Variants in DLL1 observed in about 807,000 individuals in gnomAD.
DLL1 encodes delta-like protein 1.
A neutral mutation model predicts 75.1 loss-of-function variants in DLL1; 9 were observed. That is an observed-to-expected ratio of 0.12 (90% CI 0.07 to 0.21). DLL1 has a LOEUF of 0.21. Among genes scored for constraint, DLL1 ranks in the 10% least tolerant of loss-of-function variants. DLL1 has a pLI of 1.00. For missense variants in DLL1, 837 were observed against 1,007.6 expected (o/e 0.83, Z 2.29); for synonymous variants, 477 against 418.3 (o/e 1.14, Z -1.71).
Position 170,282,705 on chromosome 6 carries a change from G to T in DLL1, c.*169C>A. On this transcript the variant is annotated 3_prime_UTR_variant, in exon 11 of 11. Transcript: ENST00000366756. ...GCAGGCGGCCGGGCCGCGACAGGCTGTCGGCAGGCGTCGAGGACCTCAGGA... is the reference window on the plus strand; with the variant it reads ...GCAGGCGGCCGGGCCGCGACAGGCTTTCGGCAGGCGTCGAGGACCTCAGGA... 3.5e-6 allele frequency: 4 copies of T among 1,136,022 alleles called. No individual in the cohort carries two copies. The highest frequency in any genetic ancestry group is 5.3e-6 in the Non-Finnish European group (4 of 761,272). The allele number at this position is 1,136,022 out of a possible 1,614,324, so 70.4% of individuals were successfully genotyped here. A position where few individuals can be genotyped will look rare whatever the true frequency, so the allele number is the denominator to read the frequency against.
rs202029364 is a variant in DLL1, at chr6:170,283,526, C to T, written c.1753G>A (p.Gly585Arg). The T allele has an allele frequency of 3.7e-6, 6 of 1,613,604 alleles. No individual in the cohort carries two copies. Among genetic ancestry groups the T allele is most frequent in the African/African-American group, 2.7e-5 (2 of 74,920 alleles). The part of the protein sequence containing the change: ...KHRPPADPCR[G>R]ETETMNNLAN... Reference sequence around the variant, plus strand: ...AGGTTGTTCATGGTCTCCGTCTCCCCCCGGCAGGGGTCGGCTGGGGGCCGG... The same window carrying T: ...AGGTTGTTCATGGTCTCCGTCTCCCTCCGGCAGGGGTCGGCTGGGGGCCGG... The change falls in exon 9 of 11, where the codon GGG becomes AGG. Residue 585 changes from glycine (G) to arginine (R), a missense_variant. Physicochemically the swap from Gly to Arg is moderately radical, Grantham distance 125 (BLOSUM62 -2). Coordinates refer to ENST00000366756, the MANE Select transcript of DLL1 (RefSeq NM_005618.4).
At chr6:170,287,148 A>C (rs962382355) in intron 4 of DLL1, among the ~76,000 whole-genome samples, 1 of 152,132 alleles carries the variant, frequency 6.6e-6, no homozygotes, top group Non-Finnish European at 1.5e-5. Context: ...CCCCAGAACC[A>C]GTTCAGGCCA....
Position 170,283,952 on chromosome 6 carries a change from T to C in DLL1, c.1327A>G (p.Asn443Asp). ...AGFSGRHCDD[N>D]VDDCASSPCA... ...GGGGAGGAGGCGCAGTCGTCCACGT[T>C]GTCGTCACAGTGCCTCCCCGAGAAG... The change falls in exon 9 of 11, where the codon AAC (asparagine) becomes GAC (aspartate). Residue 443 changes from asparagine to aspartate, a missense_variant. Coordinates refer to ENST00000366756, the MANE Select transcript of DLL1 (RefSeq NM_005618.4). 6.3e-7 allele frequency: 1 copy of C among 1,592,074 alleles called. No homozygotes were observed. Among genetic ancestry groups the C allele is most frequent in the Middle Eastern group, 1.8e-4 (1 of 5,534 alleles).
At chr6:170,287,913 C>T (rs191645305) in intron 4 of DLL1, among the ~76,000 whole-genome samples, 131 of 152,298 alleles carry the variant, frequency 8.6e-4, no homozygotes, top group African/African-American at 3.1e-3. Context: ...TTCCTTCCTC[C>T]TCTCCCTCTC....
chr6:170,289,309 C>T (rs1159524184), intron 2 of DLL1: 2 of 869,296 alleles, frequency 2.3e-6, no homozygotes, highest in Non-Finnish European at 3.5e-6. Flanking sequence ...CGGTCCCCTC[C>T]TGCAGGCCGC....
rs1182662235 is a variant in DLL1 at position 170,283,804 on chromosome 6, T to C, written c.1475A>G (p.Asn492Ser). 4 of 1,598,282 alleles carry C rather than the reference T, an allele frequency of 2.5e-6. No homozygotes were observed. The highest frequency in any genetic ancestry group is 1.1e-5 in the South Asian group (1 of 89,310). ...VSRCEHAPCH[N>S]GATCHERGHR... ...GCCCCTCTCGTGGCAGGTGGCCCCA[T>C]TGTGGCAGGGTGCGTGCTCGCACCT... Residue 492 changes from asparagine to serine, a missense_variant, in exon 9 of 11, where the codon AAT becomes AGT. Asn to Ser is a conservative substitution (Grantham distance 46). Transcript: ENST00000366756.
chr6:170,284,787 A>G, intron 8 of DLL1, 132 bp downstream of exon 8: 1 of 946,122 alleles, frequency 1.1e-6, no homozygotes, highest in East Asian at 2.5e-5. Context: ...TAGAGTTTCC[A>G]TCGAGAATTC....
chr6:170,287,678 TTGGAGACC>T (rs1382738992), intron 4 of DLL1, among the ~76,000 whole-genome samples: 2 of 152,252 alleles, frequency 1.3e-5, no homozygotes, highest in African/African-American at 4.8e-5. Flanking sequence ...CACACAGGCC[TTGGAGACC>T]TGGCCTCAGC....
At chr6:170,289,413 C>T (rs1783795034) in intron 2 of DLL1, 99 bp downstream of exon 2, 1 of 1,498,162 alleles carries the variant, frequency 6.7e-7, no homozygotes, top group Admixed American at 2.1e-5. Context: ...CGCGGGGTCC[C>T]CGAGGTCCCG....
rs1430885803 is a variant in DLL1 at position 170,289,888 on chromosome 6, G to A, written c.55-80C>T. On this transcript the variant is annotated intron_variant, in intron 1 of 10. Coordinates refer to ENST00000366756, the MANE Select transcript of DLL1 (RefSeq NM_005618.4). ...CGTGAGGCCTGGGTGGGGGGTGTGC[G>A]GAGAGCCTGGAAGGGCTCAGGGGCC... 1.2e-5 allele frequency: 17 copies of A among 1,457,780 alleles called. 1 individual carries two copies. In the South Asian group the frequency reaches 2.0e-4, roughly 17 times the overall value. 90.3% of individuals were successfully genotyped at this position (1,457,780 alleles called of 1,614,324 possible). A position where few individuals can be genotyped will look rare whatever the true frequency, so the allele number is the denominator to read the frequency against.
Position 170,284,080 on chromosome 6 carries a change from CAA to C in DLL1, c.1250-53_1250-52del, listed in dbSNP as rs891653385. ...CGTGTCTCCTCGTAGGTTTGTTCAC[CAA>C]AAAGTCACTCTGAAGCATCTATCTG... On this transcript the variant is annotated intron_variant, in intron 8 of 10. Transcript: ENST00000366756. The C allele has an allele frequency of 5.9e-6, 9 of 1,533,476 alleles. No individual in the cohort carries two copies. In the Admixed American group the frequency reaches 7.8e-5, roughly 13 times the overall value. The allele number at this position is 1,533,476 out of a possible 1,614,324, so 95.0% of individuals were successfully genotyped here.
chr6:170,289,901 G>T, intron 1 of DLL1, 93 bp from the exon 2 acceptor site: 1 of 1,376,990 alleles, frequency 7.3e-7, no homozygotes, highest in Non-Finnish European at 9.6e-7. Context: ...GAGCCTGGAA[G>T]GGCTCAGGGG....
intron 2 of DLL1, 79 bp downstream of exon 2, chr6:170,289,432 CG>C: frequency 6.6e-7 from 1 of 1,510,374 alleles, no homozygotes; most frequent in Admixed American, 2.0e-5. Flanking sequence ...CGCCACCGAG[CG>C]CCCAAGGCGG....
rs187849210 is a variant in DLL1 at position 170,283,349 on chromosome 6, C to G, written c.1930G>C (p.Val644Leu). 6.2e-7 allele frequency: 1 copy of G among 1,612,740 alleles called. No homozygotes were observed. Among genetic ancestry groups the G allele is most frequent in the Non-Finnish European group, 8.5e-7 (1 of 1,180,042 alleles). ...GTGTCGTCACCCTTGAGGTCCTGCA[C>G]GAGGTTATAGTCCACCGCTGGGTAG... is the stretch of plus-strand genomic sequence containing the variant. ...ARYPAVDYNL[V>L]QDLKGDDTAV... Residue 644 changes from valine (V) to leucine (L), a missense_variant, in exon 9 of 11, where the codon GTG (valine) becomes CTG (leucine). By Grantham distance (32) the Val-to-Leu change is conservative. Coordinates refer to ENST00000366756, the MANE Select transcript of DLL1 (RefSeq NM_005618.4).
At position 170,290,017 on chromosome 6, in the gene DLL1, G is replaced by A. The variant is rs1204714541; in HGVS notation, c.54+69C>T. ...TGCCGCTGTCCGCCCCTCCCCGCGCGCTCCTGCCCCGCGCCCCGGCTACCC... is the reference window on the plus strand; with the variant it reads ...TGCCGCTGTCCGCCCCTCCCCGCGCACTCCTGCCCCGCGCCCCGGCTACCC... On this transcript the variant is annotated intron_variant, in intron 1 of 10. Coordinates refer to ENST00000366756, the MANE Select transcript of DLL1 (RefSeq NM_005618.4). This position sits in a 1 kb window ranked among gnomAD's most constrained non-coding sequence, Gnocchi z 4.7. 7 of 1,398,074 alleles carry A rather than the reference G, an allele frequency of 5.0e-6. No homozygotes were observed. Among genetic ancestry groups the A allele is most frequent in the South Asian group, 3.2e-5 (2 of 61,826 alleles). 86.6% of individuals were successfully genotyped at this position (1,398,074 alleles called of 1,614,324 possible).
At chr6:170,286,802 TACACACAC>T (rs143742416) in intron 4 of DLL1, among the ~76,000 whole-genome samples, 9 of 149,124 alleles carry the variant, frequency 6.0e-5, no homozygotes, top group South Asian at 2.1e-4. Context: ...CCCTCGCGTG[TACACACAC>T]ACACACACAC....
chr6:170,284,872 T>C lies in DLL1; in HGVS notation c.1249+47A>G, dbSNP rs771151547. 3.8e-6 allele frequency: 6 copies of C among 1,588,172 alleles called. No individual in the cohort carries two copies. In the Admixed American group the frequency reaches 6.7e-5, roughly 18 times the overall value. Reference sequence around the variant, plus strand: ...GCTTGTTTTTAATGCCACCTCAGTATTGACCGCTCGCCCGAGTCTCTGAGC... The same window carrying C: ...GCTTGTTTTTAATGCCACCTCAGTACTGACCGCTCGCCCGAGTCTCTGAGC... On this transcript the variant is annotated intron_variant, in intron 8 of 10. Transcript: ENST00000366756.
rs1220875434 is a variant in DLL1 at position 170,289,784 on chromosome 6, G to A, written c.79C>T (p.Leu27=). The A allele has an allele frequency of 1.3e-6, 2 of 1,557,956 alleles. No homozygotes were observed. The highest frequency in any genetic ancestry group is 2.4e-5 in the East Asian group (1 of 41,844). Residue 27 remains leucine (L), a synonymous_variant, in exon 2 of 11, where the codon CTG becomes TTG. Coordinates refer to ENST00000366756, the MANE Select transcript of DLL1 (RefSeq NM_005618.4). The part of the protein sequence containing the change: ...CQVWSSGVFE[L]KLQEFVNKKG... ...TTGTTGACGAACTCCTGCAGCTTCA[G>A]TTCGAACACCCCAGAGCTCCAGACC... is the stretch of plus-strand genomic sequence containing the variant.
Position 170,288,721 on chromosome 6 carries a change from G to A in DLL1, c.412+8C>T, listed in dbSNP as rs1241183081. On this transcript the variant is annotated splice_region_variant and intron_variant, in intron 3 of 10. Coordinates refer to ENST00000366756, the MANE Select transcript of DLL1 (RefSeq NM_005618.4). ...AAAGCAGTTTTGGGGTTTGGGTTTT[G>A]TTTTTACCTGTTGCGAGGTCATCAG... 1.2e-6 allele frequency: 2 copies of A among 1,614,164 alleles called. No individual in the cohort carries two copies. The highest frequency in any genetic ancestry group is 2.2e-5 in the East Asian group (1 of 44,876).
Sources: gnomAD v4.1 joint callset for allele counts (sites outside exome capture counted in the v4.1 genomes callset) on GRCh38, gnomAD v4.1.1 for gene constraint, Gnocchi (gnomAD v3.1) non-coding constraint, MANE v1.5 for transcripts, NCBI Gene and HGNC (gene_info 2026-07-23, HGNC 2026-07-21) for gene names.